SMCO4: variants seen among roughly 807,000 people sequenced by gnomAD.
The protein encoded by SMCO4 is single-pass membrane protein with coiled-coil domains 4, also known as single-pass membrane and coiled-coil domain-containing protein 4.
A neutral mutation model predicts 3.6 loss-of-function variants in SMCO4; 4 were observed. The ratio of observed to expected loss-of-function variants is 1.11; its 90% confidence interval spans 0.54 to 2.53. The LOEUF (loss-of-function observed/expected upper bound fraction) is 2.53, where lower values mean the gene tolerates loss of function less well. Among genes scored for constraint, SMCO4 ranks in the 30% most tolerant of loss-of-function variants. The pLI is 0.02. For missense variants in SMCO4, 70 were observed against 80.8 expected (o/e 0.87, Z 0.51); for synonymous variants, 36 against 35.3 (o/e 1.02, Z -0.07).
chr11:93,487,142 C>A (rs927099887), intron 2 of SMCO4, among the ~76,000 whole-genome samples: 1 of 152,140 alleles, frequency 6.6e-6, no homozygotes, highest in Non-Finnish European at 1.5e-5. Context: ...AGCAGCTCTG[C>A]GGTTCATCAA....
At chr11:93,524,908 TTCTGTGATCCA>T in intron 1 of SMCO4, among the ~76,000 whole-genome samples, 1 of 152,280 alleles carries the variant, frequency 6.6e-6, no homozygotes, top group African/African-American at 2.4e-5. Context: ...AAACTCAGAA[TTCTGTGATCCA>T]GTCACACCAG....
chr11:93,531,053 C>T (rs1261545572), intron 1 of SMCO4, among the ~76,000 whole-genome samples: 1 of 152,186 alleles, frequency 6.6e-6, no homozygotes, highest in Non-Finnish European at 1.5e-5. Flanking sequence ...CATGGGTGCC[C>T]AGACTTTTGG....
At chr11:93,525,863 T>C (rs949993791) in intron 1 of SMCO4, among the ~76,000 whole-genome samples, 8 of 152,158 alleles carry the variant, frequency 5.3e-5, no homozygotes, top group African/African-American at 7.2e-5. Flanking sequence ...AAACGTGCAC[T>C]GCAACAGTGA....
At chr11:93,507,321 AC>A (rs1248072157) in intron 1 of SMCO4, among the ~76,000 whole-genome samples, 1 of 152,038 alleles carries the variant, frequency 6.6e-6, no homozygotes, top group African/African-American at 2.4e-5. Flanking sequence ...AATCACTTGA[AC>A]CCGGGAAGCG....
chr11:93,538,707 A>T (rs1477271550), intron 1 of SMCO4, among the ~76,000 whole-genome samples: 1 of 152,170 alleles, frequency 6.6e-6, no homozygotes, highest in African/African-American at 2.4e-5. Context: ...CAGACCTGAA[A>T]TGGGAAGGGA....
intron 1 of SMCO4, among the ~76,000 whole-genome samples, chr11:93,530,359 TGTGG>T (rs1378633004): frequency 1.3e-5 from 2 of 152,060 alleles, no homozygotes; most frequent in Non-Finnish European, 2.9e-5. Context: ...GTGGTTTATG[TGTGG>T]GTGGGTGGGT....
intron 2 of SMCO4, among the ~76,000 whole-genome samples, chr11:93,496,245 A>T (rs989333035): frequency 1.3e-5 from 2 of 152,168 alleles, no homozygotes; most frequent in Non-Finnish European, 2.9e-5. Context: ...GTTGGCTTGG[A>T]CTTGGGGGGC....
At chr11:93,503,511 T>A (rs918334222) in intron 1 of SMCO4, among the ~76,000 whole-genome samples, 2 of 152,218 alleles carry the variant, frequency 1.3e-5, no homozygotes, top group South Asian at 4.1e-4. Flanking sequence ...GGAAATGTTA[T>A]CTTAGGTGGA....
intron 1 of SMCO4, among the ~76,000 whole-genome samples, chr11:93,515,316 T>C (rs1163300268): frequency 2.0e-5 from 3 of 152,194 alleles, no homozygotes; most frequent in Admixed American, 2.0e-4. Flanking sequence ...GACAGGTAGT[T>C]AGTAAAATAA....
chr11:93,520,609 C>A (rs879345583), intron 1 of SMCO4, among the ~76,000 whole-genome samples: 4 of 152,206 alleles, frequency 2.6e-5, no homozygotes, highest in Admixed American at 6.5e-5. Context: ...AAAGTATAAA[C>A]CAGCAAGTTT....
intron 1 of SMCO4, chr11:93,535,722 C>T: frequency 4.3e-6 from 7 of 1,613,804 alleles, no homozygotes; most frequent in Non-Finnish European, 5.9e-6. Flanking sequence ...CTTATTCAAA[C>T]CTCCTGAGAG....
intron 2 of SMCO4, among the ~76,000 whole-genome samples, chr11:93,488,398 G>T (rs1436305792): frequency 1.3e-5 from 2 of 152,214 alleles, no homozygotes; most frequent in Non-Finnish European, 2.9e-5. Flanking sequence ...AGCTGTGAAA[G>T]GGCTAAGGCA....
At chr11:93,502,367 A>G (rs938868754) in intron 1 of SMCO4, among the ~76,000 whole-genome samples, 1 of 152,132 alleles carries the variant, frequency 6.6e-6, no homozygotes, top group South Asian at 2.1e-4. Flanking sequence ...TCCAGGCTTC[A>G]TAACAGAATG....
chr11:93,542,453 T>C (rs551391188), intron 1 of SMCO4, among the ~76,000 whole-genome samples: 2 of 152,306 alleles, frequency 1.3e-5, no homozygotes, highest in Admixed American at 1.3e-4. Flanking sequence ...CCCACTCATC[T>C]TGGAACACCC....
At chr11:93,534,219 CACACACACACACACACACACACACACA>C (rs1949192178) in intron 1 of SMCO4, among the ~76,000 whole-genome samples, 1 of 616 alleles carries the variant, frequency 1.6e-3, no homozygotes. Context: ...TATATATACA[CACACACACACACACACACACACACACA>C]CACACACACA....
intron 2 of SMCO4, among the ~76,000 whole-genome samples, chr11:93,484,276 T>C (rs1948623441): frequency 6.6e-6 from 1 of 152,218 alleles, no homozygotes; most frequent in African/African-American, 2.4e-5. Context: ...TGATTAGAAC[T>C]TTCCCGTCTT....
At chr11:93,542,239 C>T (rs1949276609) in intron 1 of SMCO4, among the ~76,000 whole-genome samples, 1 of 152,196 alleles carries the variant, frequency 6.6e-6, no homozygotes, top group Non-Finnish European at 1.5e-5. Context: ...CAGACACTAG[C>T]AGGCCATGTC....
intron 1 of SMCO4, among the ~76,000 whole-genome samples, chr11:93,512,725 C>T (rs1407588556): frequency 1.3e-5 from 2 of 152,060 alleles, no homozygotes; most frequent in African/African-American, 4.8e-5. Context: ...GCACACTCTA[C>T]AATATTCACA....
At chr11:93,501,771 G>C (rs1020896128) in intron 1 of SMCO4, among the ~76,000 whole-genome samples, 1 of 152,058 alleles carries the variant, frequency 6.6e-6, no homozygotes, top group Non-Finnish European at 1.5e-5. Context: ...CAACTACGGC[G>C]GGTTTGGGTA....
Sources: allele counts gnomAD v4.1 joint callset (sites outside exome capture counted in the v4.1 genomes callset), GRCh38; gene constraint gnomAD v4.1.1; transcripts MANE v1.5; gene names NCBI Gene and HGNC (gene_info 2026-07-23, HGNC 2026-07-21).